DSCAM: variants seen among roughly 807,000 people sequenced by gnomAD.
DSCAM encodes the protein DS cell adhesion molecule, also known as cell adhesion molecule DSCAM.
In DSCAM, 47 loss-of-function variants were observed where a neutral mutation model predicts 217.7. The ratio of observed to expected loss-of-function variants is 0.22; its 90% CI spans 0.17 to 0.28. The LOEUF is 0.28. Ranked by LOEUF, DSCAM falls within the 10% of genes least tolerant of loss-of-function variation. DSCAM has a pLI of 1.00. For synonymous variants in DSCAM, 1,056 were observed against 1,015.3 expected, an observed-to-expected ratio of 1.04 and a Z score of -0.76; for missense variants, 2,080 against 2,618.3, an observed-to-expected ratio of 0.79 and a Z score of 4.49.
rs75377320 is a variant in DSCAM, at chr21:40,324,869, T to C, written c.1784-12510A>G. Among the ~76,000 whole-genome samples, 483 of 152,326 alleles carry C rather than the reference T, an allele frequency of 3.2e-3. 1 individual carries two copies. Among genetic ancestry groups the C allele is most frequent in the Non-Finnish European group, 5.2e-3 (354 of 68,020 alleles). ...TAGTTAGAGAAAAGTGTCATCTAGA[T>C]GAGGTACAATTATTTTATTTTTGTT... On this transcript the variant is annotated intron_variant, in intron 8 of 32. Transcript: ENST00000400454.
intron 3 of DSCAM, among the ~76,000 whole-genome samples, chr21:40,438,499 GC>G (rs1461310891): frequency 6.6e-6 from 1 of 152,180 alleles, no homozygotes; most frequent in Non-Finnish European, 1.5e-5. Context: ...ACTTTTGTAA[GC>G]CTCACAAACC....
intron 6 of DSCAM, among the ~76,000 whole-genome samples, chr21:40,341,886 T>TTTCAGCCTCTTTTCATCTGGAACATTC (rs1315302665): frequency 2.0e-5 from 3 of 152,224 alleles, no homozygotes; most frequent in African/African-American, 7.2e-5. Context: ...TTTCATGTCA[T>TTTCAGCCTCTTTTCATCTGGAACATTC]TTCAGCCTCT....
At chr21:40,033,587 G>C (rs2996051) in intron 32 of DSCAM, among the ~76,000 whole-genome samples, 37,523 of 146,706 alleles carry the variant, frequency 0.26, 5,287 homozygotes, top group South Asian at 0.35. Flanking sequence ...AGGCGGCAGT[G>C]AGGCTGGGGG....
chr21:40,319,631 T>G (rs886649777), intron 8 of DSCAM, among the ~76,000 whole-genome samples: 6 of 152,150 alleles, frequency 3.9e-5, no homozygotes, highest in Non-Finnish European at 8.8e-5. Flanking sequence ...ATTATATAAA[T>G]TTTTTTAGGA....
intron 3 of DSCAM, among the ~76,000 whole-genome samples, chr21:40,474,064 G>A (rs964533938): frequency 1.2e-4 from 18 of 152,006 alleles, no homozygotes; most frequent in Admixed American, 4.6e-4. Flanking sequence ...AGGCTGAGGC[G>A]GGCGGATCAC....
Position 40,418,920 on chromosome 21 carries a change from T to C in DSCAM, c.509-49675A>G, listed in dbSNP as rs568610510. Reference sequence around the variant, plus strand: ...GGACATGAATATTCAACCTATTTTTTTCCAAAAATTCCAGGAATTCAGGAC... The same window carrying C: ...GGACATGAATATTCAACCTATTTTTCTCCAAAAATTCCAGGAATTCAGGAC... On this transcript the variant is annotated intron_variant, in intron 3 of 32. Coordinates refer to ENST00000400454, the MANE Select transcript of DSCAM (RefSeq NM_001389.5). Among the ~76,000 whole-genome samples, 4 of 152,270 alleles carry C rather than the reference T, an allele frequency of 2.6e-5. No homozygotes were observed. In the South Asian group the frequency reaches 8.3e-4, roughly 32 times the overall value.
chr21:40,557,556 C>T (rs1166762862), intron 3 of DSCAM, among the ~76,000 whole-genome samples: 7 of 151,374 alleles, frequency 4.6e-5, no homozygotes, highest in Admixed American at 2.6e-4. Flanking sequence ...AAGATGGTCT[C>T]GATCTCCTGA....
chr21:40,150,618 A>G (rs910618862), intron 16 of DSCAM, among the ~76,000 whole-genome samples: 3 of 152,188 alleles, frequency 2.0e-5, no homozygotes, highest in African/African-American at 7.2e-5. Flanking sequence ...AGTCAGTAGG[A>G]GTGGAAGGTG....
chr21:40,414,609 G>A (rs1238233835), intron 3 of DSCAM, among the ~76,000 whole-genome samples: 1 of 152,058 alleles, frequency 6.6e-6, no homozygotes, highest in Non-Finnish European at 1.5e-5. Context: ...TTTCTTTAAT[G>A]TTGGCCTTAC....
intron 3 of DSCAM, among the ~76,000 whole-genome samples, chr21:40,585,333 C>CTTAAAAGAACACAAA (rs2076937233): frequency 1.9e-5 from 1 of 52,932 alleles, no homozygotes; most frequent in Non-Finnish European, 5.1e-5. Flanking sequence ...AAGAAAAATG[C>CTTAAAAGAACACAAA]TGCGTGAACC....
chr21:40,626,433 G>A (rs187064948), intron 3 of DSCAM, among the ~76,000 whole-genome samples: 1 of 152,280 alleles, frequency 6.6e-6, no homozygotes, highest in Non-Finnish European at 1.5e-5. Flanking sequence ...AGTAGCAAGT[G>A]TGATCTTCTT....
chr21:40,259,073 A>G (rs1349633443), intron 11 of DSCAM, among the ~76,000 whole-genome samples: 1 of 152,230 alleles, frequency 6.6e-6, no homozygotes, highest in African/African-American at 2.4e-5. Flanking sequence ...GTCTGGAAAG[A>G]CAACTGTGAT....
intron 32 of DSCAM, among the ~76,000 whole-genome samples, chr21:40,029,426 G>T (rs1329203021): frequency 1.8e-4 from 26 of 141,660 alleles, no homozygotes; most frequent in African/African-American, 4.9e-4. Context: ...ATTTGAGGTT[G>T]TTTTTTTTTT....
At chr21:40,362,818 G>T (rs2074782359) in intron 4 of DSCAM, among the ~76,000 whole-genome samples, 1 of 151,974 alleles carries the variant, frequency 6.6e-6, no homozygotes, top group African/African-American at 2.4e-5. Flanking sequence ...ATGCAGGTGT[G>T]CATATGTAAG....
intron 3 of DSCAM, among the ~76,000 whole-genome samples, chr21:40,517,795 T>C (rs2076315325): frequency 6.6e-6 from 1 of 152,108 alleles, no homozygotes; most frequent in Non-Finnish European, 1.5e-5. Context: ...TAGGCTTAAC[T>C]CTTGAGGTGG....
chr21:40,501,910 C>T (rs2076173076), intron 3 of DSCAM, among the ~76,000 whole-genome samples: 1 of 152,152 alleles, frequency 6.6e-6, no homozygotes, highest in Admixed American at 6.5e-5. Flanking sequence ...TATTAATGTT[C>T]TTTCCGGCTG....
chr21:40,353,660 T>G lies in DSCAM; in HGVS notation c.739A>C (p.Lys247Gln), dbSNP rs1292461296. ...TCTGGCTCAGGGTGCCCGAGCGCTT[T>G]GCAAGGCAGCTCCACACGCTGCCCA... ...MAGQRVELPC[K>Q]ALGHPEPDYR... Residue 247 changes from lysine to glutamine, a missense_variant, in exon 5 of 33, where the codon AAA becomes CAA. By Grantham distance (53) the Lys-to-Gln change is moderately conservative. Transcript: ENST00000400454. 6.2e-7 allele frequency: 1 copy of G among 1,611,120 alleles called. No individual in the cohort carries two copies. The highest frequency in any genetic ancestry group is 2.2e-5 in the East Asian group (1 of 44,784).
At chr21:40,061,634 A>C (rs995804747) in intron 28 of DSCAM, among the ~76,000 whole-genome samples, 3 of 152,056 alleles carry the variant, frequency 2.0e-5, no homozygotes, top group African/African-American at 7.2e-5. Context: ...CCTACGATTC[A>C]CATTGTTTTG....
rs374610409 is a variant in DSCAM at position 40,429,568 on chromosome 21, T to C, written c.509-60323A>G. Among the ~76,000 whole-genome samples the C allele has an allele frequency of 5.9e-3, 896 of 152,300 alleles. 14 individuals carry two copies. The highest frequency in any genetic ancestry group is 0.021 in the African/African-American group (855 of 41,578). On this transcript the variant is annotated intron_variant, in intron 3 of 32. Transcript: ENST00000400454. ...CAGGCATGAGCCACCAAGCCCAGCC[T>C]GCATCAAGTTTTAAAGTGTGAACTG...
Sources: gnomAD v4.1 joint callset for allele counts (sites outside exome capture counted in the v4.1 genomes callset) on GRCh38, gnomAD v4.1.1 for gene constraint, MANE v1.5 for transcripts, NCBI Gene and HGNC (gene_info 2026-07-23, HGNC 2026-07-21) for gene names.